The following PIK3R4 variants were observed in gnomAD, a reference collection of about 807,000 sequenced individuals.
PIK3R4 encodes the protein phosphoinositide-3-kinase regulatory subunit 4.
Under a neutral mutation model 136.5 loss-of-function variants are expected in PIK3R4, and 46 were observed. The observed-to-expected ratio is 0.34, with a 90% CI of 0.27 to 0.43. The LOEUF is 0.43. PIK3R4 is among the 20% of genes least tolerant of loss of function. The pLI is 1.00. For synonymous variants in PIK3R4, 557 were observed against 566.7 expected (o/e 0.98, Z 0.24); for missense variants, 1,331 against 1,649.5 (o/e 0.81, Z 3.35).
chr3:130,679,398 T>C lies in PIK3R4; in HGVS notation c.3994A>G (p.Ile1332Val). 1 of 1,611,648 alleles carries C rather than the reference T, an allele frequency of 6.2e-7. No homozygotes were observed. Reference sequence around the variant, plus strand: ...GTCTGGAATGTGGCGACATCAGTGATGATGTCATGATGTCCCACGGGCAGG... The same window carrying C: ...GTCTGGAATGTGGCGACATCAGTGACGATGTCATGATGTCCCACGGGCAGG... ...ESLPVGHHDI[I>V]TDVATFQTTQ... Residue 1332 changes from isoleucine to valine, a missense_variant, in exon 20 of 20, where the codon ATC becomes GTC. Transcript: ENST00000356763.
rs1023208870 is a variant in PIK3R4 at position 130,723,547 on chromosome 3, G to A, written c.1848C>T (p.Leu616=). 1 of 1,613,270 alleles carries A rather than the reference G, an allele frequency of 6.2e-7. No individual in the cohort carries two copies. Among genetic ancestry groups the A allele is most frequent in the African/African-American group, 1.3e-5 (1 of 74,882 alleles). ...TAAGACCTTGTTGCAGCAGAGGCTT[G>A]AGAATTGAGGAGCTTTGCCAGCCAA... ...AYVGWQSSSI[L]KPLLQQGLSD... is the part of the protein sequence containing the mutation. Residue 616 remains leucine, a synonymous_variant, in exon 7 of 20, where the codon CTC becomes CTT. Transcript: ENST00000356763.
chr3:130,740,686 C>T (rs762625274), intron 2 of PIK3R4, among the ~76,000 whole-genome samples: 11 of 151,910 alleles, frequency 7.2e-5, no homozygotes, highest in African/African-American at 1.9e-4. Flanking sequence ...GCCAAGATCG[C>T]GCCACTGCAC....
At chr3:130,707,300 C>T (rs1430779548) in intron 10 of PIK3R4, among the ~76,000 whole-genome samples, 165 bp from the exon 11 acceptor site, 1 of 152,098 alleles carries the variant, frequency 6.6e-6, no homozygotes, top group Non-Finnish European at 1.5e-5. Flanking sequence ...TGTATCAATT[C>T]ATTAACTCTC....
In PIK3R4 at chr3:130,679,906, T is replaced by A. The variant is rs991216023; in HGVS notation, c.3907-421A>T. On this transcript the variant is annotated intron_variant, in intron 19 of 19. Transcript: ENST00000356763. ...TCCTGGCCAACATGGTGAAACCCCG[T>A]CTCTACTAAAAATACAAAAATTAGC... Among the ~76,000 whole-genome samples, 3 of 151,876 alleles carry A rather than the reference T, an allele frequency of 2.0e-5. No homozygotes were observed. The East Asian group carries it at 5.8e-4, about 29-fold the overall frequency.
intron 4 of PIK3R4, among the ~76,000 whole-genome samples, chr3:130,731,317 G>A (rs1360409962): frequency 6.6e-6 from 1 of 151,916 alleles, no homozygotes; most frequent in African/African-American, 2.4e-5. Flanking sequence ...CTTTTTCCTT[G>A]CTTTCCAACA....
chr3:130,728,507 T>C lies in PIK3R4; in HGVS notation c.1763A>G (p.Lys588Arg), dbSNP rs1180939220. ...LSHMITFLND[K>R]NDWHLRGAFF... Reference sequence around the variant, plus strand: ...TGCTCCACGTAGATGCCAATCATTCTTATCATTTAGGAAAGTAATCATGTG... The same window carrying C: ...TGCTCCACGTAGATGCCAATCATTCCTATCATTTAGGAAAGTAATCATGTG... The change falls in exon 6 of 20, where the codon AAG (lysine) becomes AGG (arginine). Residue 588 changes from lysine to arginine, a missense_variant. Lys to Arg is a conservative substitution (Grantham distance 26). This residue lies in a region of PIK3R4 where 1,180 missense variants were observed against 1,407.0 expected (regional missense o/e 0.84). Transcript: ENST00000356763. 6.2e-7 allele frequency: 1 copy of C among 1,613,260 alleles called. No individual in the cohort carries two copies.
intron 4 of PIK3R4, among the ~76,000 whole-genome samples, chr3:130,731,634 T>C (rs1418464361): frequency 2.6e-5 from 4 of 152,310 alleles, no homozygotes; most frequent in African/African-American, 9.6e-5. Flanking sequence ...AAAGTCTGAG[T>C]AGATCTATGC....
intron 6 of PIK3R4, among the ~76,000 whole-genome samples, chr3:130,726,355 C>T (rs890825380): frequency 1.3e-5 from 2 of 151,850 alleles, no homozygotes; most frequent in Non-Finnish European, 2.9e-5. Flanking sequence ...AGCACTTACG[C>T]CAGGCACTAT....
rs2066601192 is a variant in PIK3R4, at chr3:130,705,500, A to G, written c.2932+61T>C. 11 of 1,078,780 alleles carry G rather than the reference A, an allele frequency of 1.0e-5. 1 individual carries two copies. Among genetic ancestry groups the G allele is most frequent in the South Asian group, 9.3e-5 (7 of 74,928 alleles). The allele number at this position is 1,078,780 out of a possible 1,614,324, so 66.8% of individuals were successfully genotyped here. ...TGGTAGTTAAGTATTCATTTCCTCT[A>G]TTAGATTCTAGCCTTAAGCACCTAG... On this transcript the variant is annotated intron_variant, in intron 12 of 19. Transcript: ENST00000356763.
intron 7 of PIK3R4, among the ~76,000 whole-genome samples, chr3:130,722,878 A>C (rs1257769293): frequency 6.7e-6 from 1 of 150,090 alleles, no homozygotes; most frequent in Non-Finnish European, 1.5e-5. Context: ...AACATGGTAA[A>C]ACCCCGTCTC....
chr3:130,703,985 A>C (rs1035690409), intron 12 of PIK3R4, 97 bp from the exon 13 acceptor site: 8 of 779,210 alleles, frequency 1.0e-5, no homozygotes, highest in African/African-American at 3.5e-5. Context: ...GCTTGAAAAC[A>C]ATCATAAGAA....
chr3:130,714,786 T>C (rs144901254), intron 9 of PIK3R4, among the ~76,000 whole-genome samples: 2 of 152,296 alleles, frequency 1.3e-5, no homozygotes, highest in Non-Finnish European at 2.9e-5. Context: ...TCTCATTCCT[T>C]TTTATGGCTG....
chr3:130,742,845 C>T (rs1004526500), intron 2 of PIK3R4, among the ~76,000 whole-genome samples: 1 of 152,240 alleles, frequency 6.6e-6, no homozygotes, highest in Admixed American at 6.5e-5. Flanking sequence ...TCTCAACACA[C>T]TTCTTCCTCT....
intron 7 of PIK3R4, among the ~76,000 whole-genome samples, chr3:130,720,561 C>T (rs1364807153): frequency 2.0e-5 from 3 of 152,114 alleles, no homozygotes; most frequent in Non-Finnish European, 2.9e-5. Flanking sequence ...AAAGGAGTAA[C>T]AAAGAAATCA....
chr3:130,684,751 A>G (rs950261277), intron 15 of PIK3R4, among the ~76,000 whole-genome samples: 1 of 152,254 alleles, frequency 6.6e-6, no homozygotes, highest in African/African-American at 2.4e-5. Context: ...AAATACCCAA[A>G]GATGTTTTAC....
chr3:130,699,844 C>T (rs1472685485), intron 13 of PIK3R4, among the ~76,000 whole-genome samples: 1 of 152,144 alleles, frequency 6.6e-6, no homozygotes, highest in Non-Finnish European at 1.5e-5. Flanking sequence ...TCAATCTGAA[C>T]AGTCTTGAAA....
At chr3:130,739,632 A>G (rs2066809112) in intron 2 of PIK3R4, among the ~76,000 whole-genome samples, 1 of 152,174 alleles carries the variant, frequency 6.6e-6, no homozygotes, top group South Asian at 2.1e-4. Flanking sequence ...TCAGCCTCCC[A>G]AAGTGCTGGG....
chr3:130,690,001 G>T (rs2066507908), intron 14 of PIK3R4, among the ~76,000 whole-genome samples: 1 of 152,166 alleles, frequency 6.6e-6, no homozygotes, highest in African/African-American at 2.4e-5. Flanking sequence ...GTTTTAAAAT[G>T]ATAAGCAAAT....
chr3:130,727,676 A>T (rs2066740888), intron 6 of PIK3R4, among the ~76,000 whole-genome samples: 1 of 152,222 alleles, frequency 6.6e-6, no homozygotes, highest in Admixed American at 6.5e-5. Context: ...GATAATCATA[A>T]TAATATGAAT....
Sources: allele counts gnomAD v4.1 joint callset (sites outside exome capture counted in the v4.1 genomes callset), GRCh38; gene constraint gnomAD v4.1.1; regional missense constraint gnomAD v4.1.1; transcripts MANE v1.5; gene names NCBI Gene and HGNC (gene_info 2026-07-23, HGNC 2026-07-21).